Variants in CDC73 observed in about 807,000 individuals in gnomAD.
The protein encoded by CDC73 is cell division cycle 73.
In CDC73, 21 loss-of-function variants were observed where a neutral mutation model predicts 83.7. The observed-to-expected ratio is 0.25, with a 90% confidence interval of 0.18 to 0.36. The LOEUF (loss-of-function observed/expected upper bound fraction) is 0.36. Among genes scored for constraint, CDC73 ranks in the 10% least tolerant of loss-of-function variants. CDC73 has a pLI of 1.00. For missense variants in CDC73, 342 were observed against 653.3 expected, an observed-to-expected ratio of 0.52 and a Z score of 5.19; for synonymous variants, 224 against 212.9, an observed-to-expected ratio of 1.05 and a Z score of -0.45.
At chr1:193,122,412 C>T (rs1309001921) in intron 1 of CDC73, 81 bp downstream of exon 1, 1 of 1,572,874 alleles carries the variant, frequency 6.4e-7, no homozygotes, top group Non-Finnish European at 8.7e-7. Flanking sequence ...AACCCCTCCC[C>T]CCGTTTCCCC....
chr1:193,250,419 T>C (rs1337751064), intron 16 of CDC73, among the ~76,000 whole-genome samples: 1 of 151,850 alleles, frequency 6.6e-6, no homozygotes, highest in Non-Finnish European at 1.5e-5. Context: ...TTAAAATCTG[T>C]AACATTTTTG....
At chr1:193,200,911 A>G (rs1465416621) in intron 10 of CDC73, among the ~76,000 whole-genome samples, 1 of 152,144 alleles carries the variant, frequency 6.6e-6, no homozygotes. Flanking sequence ...TGGAAATCAG[A>G]GTAGAATGTG....
intron 15 of CDC73, among the ~76,000 whole-genome samples, chr1:193,249,404 C>T (rs1158914540): frequency 2.6e-5 from 4 of 152,008 alleles, no homozygotes; most frequent in Non-Finnish European, 5.9e-5. Context: ...ATGCGTAACT[C>T]ATTTTATTAT....
At chr1:193,172,603 A>G (rs1676534567) in intron 10 of CDC73, among the ~76,000 whole-genome samples, 2 of 152,114 alleles carry the variant, frequency 1.3e-5, no homozygotes, top group South Asian at 2.1e-4. Flanking sequence ...ACAACCCGGG[A>G]ACCATCTTGT....
intron 9 of CDC73, among the ~76,000 whole-genome samples, chr1:193,151,488 C>T (rs1676110170): frequency 1.3e-5 from 2 of 152,170 alleles, no homozygotes; most frequent in Admixed American, 1.3e-4. Flanking sequence ...GTTTATTCTG[C>T]TTTTGCACTA....
At chr1:193,194,765 A>T (rs533299665) in intron 10 of CDC73, among the ~76,000 whole-genome samples, 1 of 152,248 alleles carries the variant, frequency 6.6e-6, no homozygotes, top group South Asian at 2.1e-4. Flanking sequence ...AAGTTTTTCT[A>T]ATATGCAAGA....
At chr1:193,221,256 C>T (rs946585978) in intron 13 of CDC73, among the ~76,000 whole-genome samples, 1 of 152,120 alleles carries the variant, frequency 6.6e-6, no homozygotes, top group Non-Finnish European at 1.5e-5. Context: ...TGTGTTTGTG[C>T]AACCCGTGAA....
chr1:193,192,670 C>T (rs530386048), intron 10 of CDC73, among the ~76,000 whole-genome samples: 2 of 152,226 alleles, frequency 1.3e-5, no homozygotes, highest in African/African-American at 2.4e-5. Context: ...GGATGAATAA[C>T]GTACTCAGAC....
chr1:193,181,068 T>C, intron 10 of CDC73: 1 of 1,614,070 alleles, frequency 6.2e-7, no homozygotes, highest in Non-Finnish European at 8.5e-7. Context: ...CTCTTCTAGC[T>C]TCTATTTGTC....
chr1:193,243,067 T>C lies in CDC73; in HGVS notation c.1418-6663T>C, dbSNP rs534133029. Among the ~76,000 whole-genome samples the C allele has an allele frequency of 1.9e-3, 287 of 151,682 alleles. 2 individuals carry two copies. The highest frequency in any genetic ancestry group is 3.5e-3 in the Non-Finnish European group (238 of 67,866). On this transcript the variant is annotated intron_variant, in intron 15 of 16. Transcript: ENST00000367435. Reference sequence around the variant, plus strand: ...TTCAAGCAGTTCCCCTGCCTCAGCCTCCTGAGTAGCTGGGATTACAGGTGC... The same window carrying C: ...TTCAAGCAGTTCCCCTGCCTCAGCCCCCTGAGTAGCTGGGATTACAGGTGC...
At chr1:193,162,365 A>AGT (rs1189545914) in intron 10 of CDC73, among the ~76,000 whole-genome samples, 6 of 139,114 alleles carry the variant, frequency 4.3e-5, no homozygotes, top group Admixed American at 2.4e-4. Context: ...TATTATATAT[A>AGT]GTGTATATAT....
Position 193,206,357 on chromosome 1 carries a change from A to G in CDC73, c.1030+2505A>G, listed in dbSNP as rs150779178. Among the ~76,000 whole-genome samples, 249 of 152,178 alleles carry G rather than the reference A, an allele frequency of 1.6e-3. 1 individual carries two copies. The highest frequency in any genetic ancestry group is 5.8e-3 in the African/African-American group (241 of 41,526). ...TGTGAACTTTCTGCTTTCTACTTCC[A>G]CTTAACTGCTTCACACCCATACATC... On this transcript the variant is annotated intron_variant, in intron 11 of 16. Transcript: ENST00000367435.
intron 9 of CDC73, among the ~76,000 whole-genome samples, chr1:193,151,173 T>C (rs1676101870): frequency 6.6e-6 from 1 of 152,176 alleles, no homozygotes; most frequent in Non-Finnish European, 1.5e-5. Flanking sequence ...TTCATGAAAA[T>C]ATTAGGTAGA....
chr1:193,232,939 C>A, intron 13 of CDC73, 54 bp from the exon 14 acceptor site: 2 of 1,449,220 alleles, frequency 1.4e-6, no homozygotes, highest in Non-Finnish European at 1.9e-6. Flanking sequence ...GTTTATCTTC[C>A]CATTTTCATC....
At chr1:193,238,916 A>G (rs1677811094) in intron 15 of CDC73, among the ~76,000 whole-genome samples, 1 of 152,190 alleles carries the variant, frequency 6.6e-6, no homozygotes, top group Non-Finnish European at 1.5e-5. Context: ...AGGCGGAAGA[A>G]AATCCATGTA....
At chr1:193,234,175 T>TCTCTCACACACACA (rs1241998258) in intron 14 of CDC73, among the ~76,000 whole-genome samples, 1 of 101,414 alleles carries the variant, frequency 9.9e-6, no homozygotes, top group African/African-American at 4.2e-5. Flanking sequence ...TCTCTCTCTC[T>TCTCTCACACACACA]CACACACACA....
intron 13 of CDC73, 99 bp from the exon 14 acceptor site, chr1:193,232,894 C>A: frequency 9.4e-7 from 1 of 1,059,004 alleles, no homozygotes; most frequent in Non-Finnish European, 1.4e-6. Context: ...TAAGAAAAAA[C>A]TCTGTCTCAA....
chr1:193,169,359 A>G (rs1676483644), intron 10 of CDC73, among the ~76,000 whole-genome samples: 1 of 152,222 alleles, frequency 6.6e-6, no homozygotes, highest in East Asian at 1.9e-4. Flanking sequence ...AGCCTGGCCA[A>G]CATGGTGAAA....
intron 3 of CDC73, among the ~76,000 whole-genome samples, chr1:193,131,957 C>G (rs962179183): frequency 6.6e-6 from 1 of 152,302 alleles, no homozygotes; most frequent in East Asian, 1.9e-4. Flanking sequence ...TAGTGTCTGT[C>G]TTTCCCATTA....
Sources: allele counts gnomAD v4.1 joint callset (sites outside exome capture counted in the v4.1 genomes callset), GRCh38; gene constraint gnomAD v4.1.1; transcripts MANE v1.5; gene names NCBI Gene and HGNC (gene_info 2026-07-23, HGNC 2026-07-21).